Variants in ZNF503 observed in about 807,000 individuals in gnomAD.
The protein encoded by ZNF503 is NocA-like zinc finger 2.
Under a neutral mutation model 34.4 loss-of-function variants are expected in ZNF503, and 15 were observed. The observed-to-expected ratio is 0.44, with a 90% CI of 0.29 to 0.67. ZNF503 has a LOEUF of 0.67. ZNF503 is among the 30% of genes least tolerant of loss of function. The probability of loss-of-function intolerance (pLI) is 0.13; values close to 1 mark genes in which losing one functional copy is unlikely to be tolerated. For synonymous variants in ZNF503, 580 were observed against 456.8 expected (o/e 1.27, Z -3.44); for missense variants, 1,007 against 926.8 (o/e 1.09, Z -1.12).
the ZNF503 span, among the ~76,000 whole-genome samples, chr10:75,324,328 G>T: frequency 6.8e-6 from 1 of 148,062 alleles, no homozygotes. Context: ...TTGTTTTTCT[G>T]TTTTTTTTTT....
chr10:75,357,348 T>C, the ZNF503 span, among the ~76,000 whole-genome samples: 2 of 132,472 alleles, frequency 1.5e-5, no homozygotes, highest in African/African-American at 6.1e-5. Context: ...TGAGGCTCCA[T>C]CTTTACAAAA....
the ZNF503 span, among the ~76,000 whole-genome samples, chr10:75,391,104 G>A: frequency 6.6e-6 from 1 of 152,148 alleles, no homozygotes; most frequent in East Asian, 1.9e-4. Context: ...TTACATTGGG[G>A]TGTAGAGCTT....
chr10:75,312,320 CTAAAA>C, the ZNF503 span, among the ~76,000 whole-genome samples: 1 of 151,650 alleles, frequency 6.6e-6, no homozygotes, highest in Non-Finnish European at 1.5e-5. Context: ...AATACAATAA[CTAAAA>C]TAAAAAGTCA....
At position 75,401,377 on chromosome 10, in the gene ZNF503, G is replaced by C. The variant is rs956436529; in HGVS notation, c.43C>G (p.His15Asp). 4.2e-5 allele frequency: 64 copies of C among 1,532,242 alleles called. No individual in the cohort carries two copies. The African/African-American group carries it at 8.0e-4, about 19-fold the overall frequency. 94.9% of individuals were successfully genotyped at this position (1,532,242 alleles called of 1,614,324 possible). A position where few individuals can be genotyped will look rare whatever the true frequency, so the allele number is the denominator to read the frequency against. Residue 15 changes from histidine to aspartate, a missense_variant, in exon 1 of 2, where the codon CAC (histidine) becomes GAC (aspartate). Coordinates refer to ENST00000372524, the MANE Select transcript of ZNF503 (RefSeq NM_032772.6). ...PSLSALRSSKHSGGGGGGGGG... is the reference protein window; with the variant it reads ...PSLSALRSSKDSGGGGGGGGG... ...CCTCCGCCGCCGCCGCCGCCGCTGT[G>C]CTTACTGCTTCTTAGGGCAGAAAGC...
At chr10:75,298,717 G>A in the ZNF503 span, among the ~76,000 whole-genome samples, 2 of 152,074 alleles carry the variant, frequency 1.3e-5, no homozygotes, top group African/African-American at 4.8e-5. Flanking sequence ...ATATATGTAG[G>A]AGTGGGATTG....
At chr10:75,358,792 G>A in the ZNF503 span, 2 of 152,166 alleles carry the variant, frequency 1.3e-5, no homozygotes, top group African/African-American at 4.8e-5. Context: ...TGACTCCAAT[G>A]GCGCATGTCC....
chr10:75,389,867 GT>G, the ZNF503 span, among the ~76,000 whole-genome samples: 1 of 152,142 alleles, frequency 6.6e-6, no homozygotes, highest in Non-Finnish European at 1.5e-5. Context: ...GTCTGCCTCC[GT>G]TTTGGGTTGG....
the ZNF503 span, among the ~76,000 whole-genome samples, chr10:75,336,126 A>G: frequency 6.6e-6 from 1 of 152,164 alleles, no homozygotes; most frequent in Non-Finnish European, 1.5e-5. Flanking sequence ...GGGCTACCTT[A>G]TTGGCCTAGA....
At chr10:75,293,903 T>C in the ZNF503 span, among the ~76,000 whole-genome samples, 1 of 152,228 alleles carries the variant, frequency 6.6e-6, no homozygotes, top group African/African-American at 2.4e-5. Flanking sequence ...TTCTCATGGC[T>C]GCGACTAGAA....
the ZNF503 span, among the ~76,000 whole-genome samples, chr10:75,359,954 A>G: frequency 1.0e-3 from 158 of 152,050 alleles, no homozygotes; most frequent in African/African-American, 3.7e-3. Flanking sequence ...CTGCCCTGCA[A>G]TGAGAAGCTC....
the ZNF503 span, among the ~76,000 whole-genome samples, chr10:75,326,538 A>C: frequency 6.6e-6 from 1 of 151,992 alleles, no homozygotes; most frequent in Non-Finnish European, 1.5e-5. Context: ...CTTTCCAGAT[A>C]TCTTTCATTG....
chr10:75,381,449 G>C, the ZNF503 span, among the ~76,000 whole-genome samples: 1 of 152,142 alleles, frequency 6.6e-6, no homozygotes, highest in Non-Finnish European at 1.5e-5. Context: ...CTGGTGTCAA[G>C]CTCCTAGCTT....
chr10:75,338,859 A>G, the ZNF503 span, among the ~76,000 whole-genome samples: 1 of 152,222 alleles, frequency 6.6e-6, no homozygotes, highest in South Asian at 2.1e-4. Flanking sequence ...GGCAGCTGCA[A>G]TAGTTCCTAT....
chr10:75,380,764 C>A, the ZNF503 span, among the ~76,000 whole-genome samples: 2 of 152,246 alleles, frequency 1.3e-5, no homozygotes, highest in Non-Finnish European at 2.9e-5. Flanking sequence ...TACCAAGAGA[C>A]AAAGGGGAAA....
the ZNF503 span, among the ~76,000 whole-genome samples, chr10:75,368,625 C>T: frequency 6.6e-6 from 1 of 152,180 alleles, no homozygotes; most frequent in African/African-American, 2.4e-5. Context: ...TTTGCATGAC[C>T]TCATGTGGAT....
At chr10:75,309,334 T>C in the ZNF503 span, among the ~76,000 whole-genome samples, 174 of 152,334 alleles carry the variant, frequency 1.1e-3, 2 homozygotes, top group Middle Eastern at 3.4e-3. Flanking sequence ...TGTGGGTGAA[T>C]GCTATCAAAC....
At chr10:75,315,077 T>C in the ZNF503 span, among the ~76,000 whole-genome samples, 1 of 152,136 alleles carries the variant, frequency 6.6e-6, no homozygotes, top group Non-Finnish European at 1.5e-5. Flanking sequence ...AAAATAACTA[T>C]AGCTGGGCAT....
At chr10:75,329,407 TTCCTTCCTTTCCTTCC>T in the ZNF503 span, among the ~76,000 whole-genome samples, 857 of 103,552 alleles carry the variant, frequency 8.3e-3, 8 homozygotes, top group African/African-American at 0.03. Context: ...CCTTCCTTCC[TTCCTTCCTTTCCTTCC>T]TTCCTTCCTT....
At chr10:75,395,612 T>C (rs1435949113), downstream of ZNF503, among the ~76,000 whole-genome samples, 2 of 152,058 alleles carry the variant, frequency 1.3e-5, no homozygotes, top group East Asian at 3.9e-4. The surrounding 1 kb of genome is among the most constrained non-coding windows in gnomAD (Gnocchi z 4.4). Flanking sequence ...GGGGCATTTG[T>C]CCCTCCGAGG....
Sources: gnomAD v4.1 joint callset for allele counts (sites outside exome capture counted in the v4.1 genomes callset) on GRCh38, gnomAD v4.1.1 for gene constraint, Gnocchi (gnomAD v3.1) non-coding constraint, MANE v1.5 for transcripts, NCBI Gene and HGNC (gene_info 2026-07-23, HGNC 2026-07-21) for gene names.